The following PLEKHG4 variants were observed in gnomAD, a reference collection of about 807,000 sequenced individuals.
PLEKHG4 encodes pleckstrin homology and RhoGEF domain containing G4.
In PLEKHG4, 85 loss-of-function variants were observed where a neutral mutation model predicts 136.9. That is an observed-to-expected ratio of 0.62 (90% CI 0.52 to 0.74). The LOEUF (loss-of-function observed/expected upper bound fraction) is 0.74, where lower values mean the gene tolerates loss of function less well. Among genes scored for constraint, PLEKHG4 ranks in the 30% least tolerant of loss-of-function variants. The pLI is 0.00. For synonymous variants in PLEKHG4, 577 were observed against 646.9 expected, an observed-to-expected ratio of 0.89 and a Z score of 1.64; for missense variants, 1,317 against 1,527.8, an observed-to-expected ratio of 0.86 and a Z score of 2.30.
chr16:67,280,679 C>T lies in PLEKHG4; in HGVS notation c.500-32C>T. The T allele has an allele frequency of 6.2e-7, 1 of 1,613,840 alleles. No individual in the cohort carries two copies. The highest frequency in any genetic ancestry group is 8.5e-7 in the Non-Finnish European group (1 of 1,179,880). On this transcript the variant is annotated intron_variant, in intron 2 of 21. Transcript: ENST00000379344. The surrounding 1 kb of genome is among the most constrained non-coding windows in gnomAD (Gnocchi z 4.4). ...AGTAGGGGTCTCTGGATAGGTGGTC[C>T]AAGGCAGACCCAAGTCATTTCCCTT...
rs1023925502 is a variant in PLEKHG4 at position 67,289,356 on chromosome 16, C to G, written c.*548C>G. On this transcript the variant is annotated 3_prime_UTR_variant, in exon 22 of 22. Coordinates refer to ENST00000379344, the MANE Select transcript of PLEKHG4 (RefSeq NM_001129729.3). ...GACTTGATGCCTTTTGAATAACTTTCAATAGAATTGTCTAAAATTATCTTA... is the reference window on the plus strand; with the variant it reads ...GACTTGATGCCTTTTGAATAACTTTGAATAGAATTGTCTAAAATTATCTTA... 8.0e-6 allele frequency: 4 copies of G among 499,912 alleles called. No homozygotes were observed. The highest frequency in any genetic ancestry group is 1.1e-5 in the Non-Finnish European group (3 of 284,354). The allele number at this position is 499,912 out of a possible 1,614,324, so 31.0% of individuals were successfully genotyped here.
chr16:67,280,929 A>C lies in PLEKHG4; in HGVS notation c.643A>C (p.Ser215Arg). The change falls in exon 4 of 22, where the codon AGC becomes CGC. Residue 215 changes from serine to arginine, a missense_variant. Coordinates refer to ENST00000379344, the MANE Select transcript of PLEKHG4 (RefSeq NM_001129729.3). The surrounding 1 kb of genome is among the most constrained non-coding windows in gnomAD (Gnocchi z 4.4). ...GRAVLLLCAH[S>R]PAWLQSECSS... is the part of the protein sequence containing the mutation. ...GGCAGTGCTGCTTCTGTGTGCCCAC[A>C]GCCCAGCCTGGCTTCAGTCTGAGTG... 6.2e-7 allele frequency: 1 copy of C among 1,613,218 alleles called. No homozygotes were observed. The highest frequency in any genetic ancestry group is 8.5e-7 in the Non-Finnish European group (1 of 1,180,008).
At position 67,282,596 on chromosome 16, in the gene PLEKHG4, A is replaced by G. The variant is rs748415698; in HGVS notation, c.1347A>G (p.Leu449=). 3.7e-6 allele frequency: 6 copies of G among 1,613,934 alleles called. No homozygotes were observed. Among genetic ancestry groups the G allele is most frequent in the Non-Finnish European group, 5.1e-6 (6 of 1,180,042 alleles). Residue 449 remains leucine, a synonymous_variant, in exon 10 of 22, where the codon CTA becomes CTG. Transcript: ENST00000379344. ...TLQSNQRIQA[L]ELVQTLEARE... ...AGAGCAACCAGCGAATACAGGCCCTAGAGTTGGTCCAAACACTGGAGGCCC... is the reference window on the plus strand; with the variant it reads ...AGAGCAACCAGCGAATACAGGCCCTGGAGTTGGTCCAAACACTGGAGGCCC...
At position 67,285,520 on chromosome 16, in the gene PLEKHG4, A is replaced by G. The variant is rs2036429196; in HGVS notation, c.2426A>G (p.Tyr809Cys). ...ACCCGGCACCCACCACGAGTGGCCT[A>G]TGCCTTCCTGCGCCATGTAAGCCCG... is the stretch of plus-strand genomic sequence containing the variant. Reference protein sequence around the residue: ...ACTRHPPRVAYAFLRHRVQFG... With the variant: ...ACTRHPPRVACAFLRHRVQFG... The change falls in exon 14 of 22, where the codon TAT becomes TGT. Residue 809 changes from tyrosine (Y) to cysteine (C), a missense_variant. Coordinates refer to ENST00000379344, the MANE Select transcript of PLEKHG4 (RefSeq NM_001129729.3). 1.2e-6 allele frequency: 2 copies of G among 1,609,814 alleles called. No individual in the cohort carries two copies. The highest frequency in any genetic ancestry group is 1.3e-5 in the African/African-American group (1 of 75,044).
At position 67,288,227 on chromosome 16, in the gene PLEKHG4, G is replaced by C; in HGVS notation, c.3281G>C (p.Gly1094Ala). Residue 1094 changes from glycine to alanine, a missense_variant, in exon 20 of 22, where the codon GGG (glycine) becomes GCG (alanine). By Grantham distance (60) the Gly-to-Ala change is moderately conservative. Transcript: ENST00000379344. ...TTTGACCATGACAGCCTCTACCTGG[G>C]GGCCTCGAACTCCCTTCCTGGAGAC... ...APFDHDSLYLGASNSLPGDPA... is the reference protein window; with the variant it reads ...APFDHDSLYLAASNSLPGDPA... 1 of 1,613,994 alleles carries C rather than the reference G, an allele frequency of 6.2e-7. No homozygotes were observed.
chr16:67,283,886 T>G (rs2036337267), intron 11 of PLEKHG4, among the ~76,000 whole-genome samples: 2 of 148,304 alleles, frequency 1.3e-5, no homozygotes, highest in Non-Finnish European at 3.0e-5. Flanking sequence ...ATGGCCTAGG[T>G]GAGGGAAGGG....
Position 67,287,656 on chromosome 16 carries a change from G to A in PLEKHG4, c.3104-242G>A. The stretch of plus-strand genomic sequence containing the variant: ...AATCCTCCTACCTCGGCCTCCCAAA[G>A]TGTTGGGATTACAGGCGTGAGCCAC... On this transcript the variant is annotated intron_variant, in intron 18 of 21. Coordinates refer to ENST00000379344, the MANE Select transcript of PLEKHG4 (RefSeq NM_001129729.3). 1.2e-5 allele frequency: 7 copies of A among 581,548 alleles called. No homozygotes were observed. The South Asian group carries it at 1.3e-4, about 11-fold the overall frequency. 36.0% of individuals were successfully genotyped at this position (581,548 alleles called of 1,614,324 possible).
chr16:67,282,234 C>T lies in PLEKHG4; in HGVS notation c.1138C>T (p.Leu380=), dbSNP rs777218047. The change falls in exon 9 of 22, where the codon CTG becomes TTG. Residue 380 remains leucine (L), a synonymous_variant. Transcript: ENST00000379344. ...VGQLLQQTEV[L]MQQVLDSPWL... Reference sequence around the variant, plus strand: ...TCAGCTGCTACAGCAGACAGAGGTCCTGATGCAGCAGGTGCTAGACTCGCC... The same window carrying T: ...TCAGCTGCTACAGCAGACAGAGGTCTTGATGCAGCAGGTGCTAGACTCGCC... The T allele has an allele frequency of 6.2e-7, 1 of 1,613,574 alleles. No individual in the cohort carries two copies. The highest frequency in any genetic ancestry group is 8.5e-7 in the Non-Finnish European group (1 of 1,180,036).
chr16:67,280,891 A>G lies in PLEKHG4; in HGVS notation c.605A>G (p.Asp202Gly). 1 of 1,612,912 alleles carries G rather than the reference A, an allele frequency of 6.2e-7. No individual in the cohort carries two copies. The highest frequency in any genetic ancestry group is 8.5e-7 in the Non-Finnish European group (1 of 1,180,010). ...SGMATLPGTRDVQGRAVLLLC... is the reference protein window; with the variant it reads ...SGMATLPGTRGVQGRAVLLLC... Reference sequence around the variant, plus strand: ...TGCTTCCTCCCCACAGGGACTCGGGATGTCCAAGGCCGGGCAGTGCTGCTT... The same window carrying G: ...TGCTTCCTCCCCACAGGGACTCGGGGTGTCCAAGGCCGGGCAGTGCTGCTT... Residue 202 changes from aspartate (D) to glycine (G), a missense_variant, in exon 4 of 22, where the codon GAT (aspartate) becomes GGT (glycine). Coordinates refer to ENST00000379344, the MANE Select transcript of PLEKHG4 (RefSeq NM_001129729.3). This position sits in a 1 kb window ranked among gnomAD's most constrained non-coding sequence, Gnocchi z 4.4.
chr16:67,284,820 C>T lies in PLEKHG4; in HGVS notation c.1800C>T (p.Asp600=), dbSNP rs747511070. ...AGCTGCACTGGACCAGGCACCCTGA[C>T]TTGCCTCCTGCCCACTTCCGAAAGA... ...QLQLHWTRHP[D]LPPAHFRKMW... Residue 600 remains aspartate, a synonymous_variant, in exon 13 of 22, where the codon GAC becomes GAT. Transcript: ENST00000379344. The surrounding 1 kb of genome is among the most constrained non-coding windows in gnomAD (Gnocchi z 4.4). 11 of 1,613,562 alleles carry T rather than the reference C, an allele frequency of 6.8e-6. No individual in the cohort carries two copies. The East Asian group carries it at 2.2e-4, about 33-fold the overall frequency.
Position 67,280,246 on chromosome 16 carries a change from A to G in PLEKHG4, c.202A>G (p.Arg68Gly), listed in dbSNP as rs776678990. ...GGAGCTACAGGGCAGCCCCTTGTCCAGGAAATTCCAGTTACCCCCAGCTGC... is the reference window on the plus strand; with the variant it reads ...GGAGCTACAGGGCAGCCCCTTGTCCGGGAAATTCCAGTTACCCCCAGCTGC... ...DEELQGSPLS[R>G]KFQLPPAADE... is the part of the protein sequence containing the mutation. Residue 68 changes from arginine (R) to glycine (G), a missense_variant, in exon 2 of 22, where the codon AGG (arginine) becomes GGG (glycine). Coordinates refer to ENST00000379344, the MANE Select transcript of PLEKHG4 (RefSeq NM_001129729.3). The surrounding 1 kb of genome is among the most constrained non-coding windows in gnomAD (Gnocchi z 4.4). 9 of 1,613,778 alleles carry G rather than the reference A, an allele frequency of 5.6e-6. No individual in the cohort carries two copies. Among genetic ancestry groups the G allele is most frequent in the Non-Finnish European group, 7.6e-6 (9 of 1,179,984 alleles).
At chr16:67,283,444 A>G (rs1165469656) in intron 11 of PLEKHG4, among the ~76,000 whole-genome samples, 8 of 152,140 alleles carry the variant, frequency 5.3e-5, no homozygotes, top group Non-Finnish European at 4.4e-5. Context: ...CCGAGTAGAC[A>G]GTGACTTGGA....
At chr16:67,285,664 C>A in intron 14 of PLEKHG4, 128 bp downstream of exon 14, 1 of 1,067,158 alleles carries the variant, frequency 9.4e-7, no homozygotes, top group Non-Finnish European at 1.4e-6. Flanking sequence ...GGCTCCTGCA[C>A]CTGAGGGTGC....
chr16:67,280,234 A>G lies in PLEKHG4; in HGVS notation c.190A>G (p.Ser64Gly), dbSNP rs747446233. The G allele has an allele frequency of 1.9e-6, 3 of 1,613,756 alleles. No homozygotes were observed. Among genetic ancestry groups the G allele is most frequent in the African/African-American group, 1.3e-5 (1 of 74,934 alleles). ...GATQDEELQG[S>G]PLSRKFQLPP... ...CACCCAGGATGAGGAGCTACAGGGC[A>G]GCCCCTTGTCCAGGAAATTCCAGTT... Residue 64 changes from serine to glycine, a missense_variant, in exon 2 of 22, where the codon AGC (serine) becomes GGC (glycine). Coordinates refer to ENST00000379344, the MANE Select transcript of PLEKHG4 (RefSeq NM_001129729.3). This position sits in a 1 kb window ranked among gnomAD's most constrained non-coding sequence, Gnocchi z 4.4.
Position 67,288,473 on chromosome 16 carries a change from C to T in PLEKHG4, c.3455-16C>T. The T allele has an allele frequency of 6.2e-7, 1 of 1,614,132 alleles. No individual in the cohort carries two copies. The highest frequency in any genetic ancestry group is 8.5e-7 in the Non-Finnish European group (1 of 1,180,008). On this transcript the variant is annotated splice_polypyrimidine_tract_variant and intron_variant, in intron 20 of 21. Coordinates refer to ENST00000379344, the MANE Select transcript of PLEKHG4 (RefSeq NM_001129729.3). ...GGGCTTCCCGTGCTGACAGTTCACC[C>T]AGTCTCCCTCCCTAGCTGCTGAGGA...
At chr16:67,281,028 A>G (rs1211655170) in intron 4 of PLEKHG4, 23 bp downstream of exon 4, 2 of 1,613,908 alleles carry the variant, frequency 1.2e-6, no homozygotes, top group East Asian at 4.5e-5. Context: ...GGGTTGGGAG[A>G]CTGAGCCTGA....
At position 67,284,390 on chromosome 16, in the gene PLEKHG4, C is replaced by T. The variant is rs867687983; in HGVS notation, c.1625C>T (p.Ser542Phe). The T allele has an allele frequency of 6.2e-7, 1 of 1,614,134 alleles. No individual in the cohort carries two copies. Among genetic ancestry groups the T allele is most frequent in the East Asian group, 2.2e-5 (1 of 44,880 alleles). The change falls in exon 12 of 22, where the codon TCT becomes TTT. Residue 542 changes from serine to phenylalanine, a missense_variant. Transcript: ENST00000379344. This position sits in a 1 kb window ranked among gnomAD's most constrained non-coding sequence, Gnocchi z 4.4. ...LALRAQLTEF[S>F]RALAQRCQRL... The stretch of plus-strand genomic sequence containing the variant: ...CTGCGAGCCCAGCTGACTGAATTCT[C>T]TAGGGCTTTGGCCCAGCGGTGCCAG...
intron 18 of PLEKHG4, 67 bp downstream of exon 18, chr16:67,287,244 C>T: frequency 6.6e-7 from 1 of 1,523,336 alleles, no homozygotes; most frequent in East Asian, 2.2e-5. Context: ...CCCACAGGAG[C>T]CCAGAGACCT....
In PLEKHG4 at chr16:67,280,179, C is replaced by T. The variant is rs1192953934; in HGVS notation, c.135C>T (p.Asp45=). The T allele has an allele frequency of 6.2e-7, 1 of 1,613,876 alleles. No homozygotes were observed. Among genetic ancestry groups the T allele is most frequent in the Non-Finnish European group, 8.5e-7 (1 of 1,179,974 alleles). The change falls in exon 2 of 22, where the codon GAC becomes GAT. Residue 45 remains aspartate (D), a synonymous_variant. Transcript: ENST00000379344. The surrounding 1 kb of genome is among the most constrained non-coding windows in gnomAD (Gnocchi z 4.4). ...EEPASQMHVK[D]PGPPRPPAGA... ...CTGCTTCCCAGATGCACGTTAAGGA[C>T]CCAGGTCCTCCAAGACCACCAGCCG...
Sources: gnomAD v4.1 joint callset for allele counts (sites outside exome capture counted in the v4.1 genomes callset) on GRCh38, gnomAD v4.1.1 for gene constraint, Gnocchi (gnomAD v3.1) non-coding constraint, MANE v1.5 for transcripts, NCBI Gene and HGNC (gene_info 2026-07-23, HGNC 2026-07-21) for gene names.